The following PARD3B variants were observed in gnomAD, a reference collection of about 807,000 sequenced individuals.
The protein encoded by PARD3B is partitioning defective 3 homolog B.
In PARD3B, 103 loss-of-function variants were observed where a neutral mutation model predicts 130.2. The observed-to-expected ratio is 0.79, with a 90% CI of 0.67 to 0.93. PARD3B has a LOEUF of 0.93. Among genes scored for constraint, PARD3B ranks in the 40% least tolerant of loss-of-function variants. The pLI, the probability that PARD3B is intolerant of heterozygous loss-of-function variation, is 0.00. For missense variants in PARD3B, 1,609 were observed against 1,499.2 expected, an observed-to-expected ratio of 1.07 and a Z score of -1.21; for synonymous variants, 583 against 553.2, an observed-to-expected ratio of 1.05 and a Z score of -0.76.
At chr2:204,618,351 G>T (rs2034184411) in intron 1 of PARD3B, among the ~76,000 whole-genome samples, 1 of 152,140 alleles carries the variant, frequency 6.6e-6, no homozygotes, top group Admixed American at 6.6e-5. Flanking sequence ...TGTACCACTG[G>T]AGGGACCTCT....
chr2:204,893,845 T>C (rs780769094), intron 2 of PARD3B, among the ~76,000 whole-genome samples: 3 of 152,188 alleles, frequency 2.0e-5, no homozygotes, highest in Non-Finnish European at 4.4e-5. Context: ...AGAAAAGAGC[T>C]GTTGTTGAAA....
At chr2:204,550,273 G>T (rs1175979338) in intron 1 of PARD3B, among the ~76,000 whole-genome samples, 1 of 152,188 alleles carries the variant, frequency 6.6e-6, no homozygotes, top group Non-Finnish European at 1.5e-5. Context: ...TTAAACAGTT[G>T]TTATACTATA....
At chr2:205,164,119 A>T (rs887518843) in intron 11 of PARD3B, among the ~76,000 whole-genome samples, 1 of 152,230 alleles carries the variant, frequency 6.6e-6, no homozygotes, top group Admixed American at 6.5e-5. Context: ...ATTCATAATC[A>T]CTATATATCC....
chr2:204,702,615 C>T (rs1473709290), intron 2 of PARD3B, among the ~76,000 whole-genome samples: 5 of 152,080 alleles, frequency 3.3e-5, no homozygotes, highest in African/African-American at 9.7e-5. Flanking sequence ...TGCTCTGTCA[C>T]CCAGGCTGGA....
At chr2:204,656,438 A>G (rs7582877) in intron 1 of PARD3B, among the ~76,000 whole-genome samples, 75 of 152,278 alleles carry the variant, frequency 4.9e-4, no homozygotes, top group African/African-American at 1.8e-3. Context: ...TCCTGGTATG[A>G]TAACTTGTTT....
chr2:204,881,461 A>G (rs2046043803), intron 2 of PARD3B, among the ~76,000 whole-genome samples: 1 of 152,218 alleles, frequency 6.6e-6, no homozygotes, highest in Non-Finnish European at 1.5e-5. Context: ...TTGCTTAATA[A>G]GAAAACAATG....
At chr2:204,608,523 C>T (rs2033812147) in intron 1 of PARD3B, among the ~76,000 whole-genome samples, 1 of 152,172 alleles carries the variant, frequency 6.6e-6, no homozygotes, top group South Asian at 2.1e-4. Flanking sequence ...CTTATTTTCT[C>T]AGTGCTATGC....
chr2:204,600,400 T>C lies in PARD3B; in HGVS notation c.120+54281T>C, dbSNP rs1310885860. Among the ~76,000 whole-genome samples, 13 of 151,948 alleles carry C rather than the reference T, an allele frequency of 8.6e-5. 1 individual carries two copies. The highest frequency in any genetic ancestry group is 1.5e-5 in the Non-Finnish European group (1 of 67,774). The stretch of plus-strand genomic sequence containing the variant: ...TTTCCTTATTGATACCTAGTTTTCC[T>C]AGCACCATTTATTGAAGAGATTGTT... On this transcript the variant is annotated intron_variant, in intron 1 of 22. Transcript: ENST00000406610.
Position 204,812,058 on chromosome 2 carries a change from CATTCT to C in PARD3B, c.222+125778_222+125782del, listed in dbSNP as rs1164240396. On this transcript the variant is annotated intron_variant, in intron 2 of 22. Coordinates refer to ENST00000406610, the MANE Select transcript of PARD3B (RefSeq NM_001302769.2). ...TTTTCTCCCATGCACCCTTCCAATC[CATTCT>C]AAACTTTTTTCTATCACTGTATATT... Among the ~76,000 whole-genome samples, 22 of 152,210 alleles carry C rather than the reference CATTCT, an allele frequency of 1.4e-4. No individual in the cohort carries two copies. The South Asian group carries it at 3.5e-3, about 24-fold the overall frequency.
intron 2 of PARD3B, among the ~76,000 whole-genome samples, chr2:204,816,279 A>C (rs2043144609): frequency 1.3e-5 from 2 of 151,974 alleles, no homozygotes; most frequent in African/African-American, 2.4e-5. Flanking sequence ...TTAAATAATG[A>C]ATTATCTTTT....
At chr2:204,873,884 T>G (rs1280414120) in intron 2 of PARD3B, among the ~76,000 whole-genome samples, 2 of 152,200 alleles carry the variant, frequency 1.3e-5, no homozygotes, top group East Asian at 3.9e-4. Context: ...GGCTCACACC[T>G]GTAATCCCAG....
chr2:205,081,301 T>A (rs955994958), intron 4 of PARD3B, among the ~76,000 whole-genome samples: 3 of 152,110 alleles, frequency 2.0e-5, no homozygotes, highest in Non-Finnish European at 4.4e-5. Context: ...TTCTGTGGCA[T>A]AATCTAGAGT....
In PARD3B at chr2:205,245,776, A is replaced by C. The variant is rs1246593410; in HGVS notation, c.2141-2A>C. The C allele has an allele frequency of 6.3e-7, 1 of 1,597,246 alleles. No homozygotes were observed. The highest frequency in any genetic ancestry group is 8.6e-7 in the Non-Finnish European group (1 of 1,165,824). On this transcript the variant is annotated splice_acceptor_variant, in intron 15 of 22. Coordinates refer to ENST00000406610, the MANE Select transcript of PARD3B (RefSeq NM_001302769.2). LOFTEE classifies it high-confidence loss of function. ...CTTGTCTCTTTTATTTCTTCTCCTCAGTGCCAGATGAAAGCAAGGTTCACT... is the reference window on the plus strand; with the variant it reads ...CTTGTCTCTTTTATTTCTTCTCCTCCGTGCCAGATGAAAGCAAGGTTCACT...
At chr2:204,766,181 C>G (rs2125418966) in intron 2 of PARD3B, among the ~76,000 whole-genome samples, 1 of 152,206 alleles carries the variant, frequency 6.6e-6, no homozygotes, top group East Asian at 1.9e-4. Context: ...GGTGAAAGTT[C>G]TCCTGCTTTA....
chr2:205,049,298 G>C (rs563761776), intron 4 of PARD3B, among the ~76,000 whole-genome samples: 1 of 152,152 alleles, frequency 6.6e-6, no homozygotes, highest in South Asian at 2.1e-4. Context: ...GGTGGAAGGG[G>C]AAGCAAACAT....
intron 14 of PARD3B, among the ~76,000 whole-genome samples, chr2:205,190,046 T>A (rs1485251923): frequency 6.6e-6 from 1 of 152,240 alleles, no homozygotes; most frequent in Non-Finnish European, 1.5e-5. Context: ...CAGTGCAGCC[T>A]TTTATTTCTT....
intron 1 of PARD3B, among the ~76,000 whole-genome samples, chr2:204,583,168 A>G (rs2125083775): frequency 7.5e-6 from 1 of 133,346 alleles, no homozygotes; most frequent in South Asian, 2.8e-4. Context: ...ATAAAGACAC[A>G]TGCACACGTA....
In PARD3B at chr2:204,754,680, A is replaced by C. The variant is rs185863187; in HGVS notation, c.222+68398A>C. 2.4e-4 allele frequency among the ~76,000 whole-genome samples: 37 copies of C among 152,316 alleles called. No individual in the cohort carries two copies. In the East Asian group the frequency reaches 6.9e-3, roughly 29 times the overall value. The stretch of plus-strand genomic sequence containing the variant: ...ACAAATAACTGAAAATCCTAAGATA[A>C]TAATGACTTAGGCACAACAAGATGG... On this transcript the variant is annotated intron_variant, in intron 2 of 22. Coordinates refer to ENST00000406610, the MANE Select transcript of PARD3B (RefSeq NM_001302769.2).
At position 205,592,944 on chromosome 2, in the gene PARD3B, T is replaced by C. The variant is rs1160216662; in HGVS notation, c.3261-22512T>C. On this transcript the variant is annotated intron_variant, in intron 22 of 22. Coordinates refer to ENST00000406610, the MANE Select transcript of PARD3B (RefSeq NM_001302769.2). This position sits in a 1 kb window ranked among gnomAD's most constrained non-coding sequence, Gnocchi z 4.5. The stretch of plus-strand genomic sequence containing the variant: ...TGAGCAGAAGCACTGTGTTTTGTCT[T>C]TCATCTCATTGCCCAGCTAGGTGCA... Among the ~76,000 whole-genome samples the C allele has an allele frequency of 2.6e-5, 4 of 152,266 alleles. No homozygotes were observed. The highest frequency in any genetic ancestry group is 2.0e-4 in the Admixed American group (3 of 15,292).
Sources: gnomAD v4.1 joint callset for allele counts (sites outside exome capture counted in the v4.1 genomes callset) on GRCh38, gnomAD v4.1.1 for gene constraint, Gnocchi (gnomAD v3.1) non-coding constraint, MANE v1.5 for transcripts, NCBI Gene and HGNC (gene_info 2026-07-23, HGNC 2026-07-21) for gene names.